Variants in SNX29 observed in about 807,000 individuals in gnomAD.
SNX29 encodes the protein sorting nexin 29, also known as sorting nexin-29.
In SNX29, 78 loss-of-function variants were observed where a neutral mutation model predicts 102.1. The observed-to-expected ratio is 0.76, with a 90% CI of 0.64 to 0.92. The LOEUF (loss-of-function observed/expected upper bound fraction) is 0.92. Ranked by LOEUF, SNX29 falls within the 40% of genes least tolerant of loss-of-function variation. SNX29 has a pLI of 0.00. For synonymous variants in SNX29, 580 were observed against 414.5 expected (o/e 1.40, Z -4.85); for missense variants, 1,280 against 1,061.7 (o/e 1.21, Z -2.86).
intron 14 of SNX29, among the ~76,000 whole-genome samples, chr16:12,268,399 A>G (rs905343714): frequency 2.6e-4 from 40 of 152,306 alleles, no homozygotes; most frequent in African/African-American, 9.6e-4. Flanking sequence ...GTAGAGCCAG[A>G]CTTTGACTCC....
intron 14 of SNX29, among the ~76,000 whole-genome samples, chr16:12,218,562 C>T (rs762840992): frequency 6.6e-6 from 1 of 152,174 alleles, no homozygotes; most frequent in Admixed American, 6.5e-5. Flanking sequence ...CCATCTGGCC[C>T]GCTGAAGAAA....
At chr16:12,227,831 T>C (rs1179752617) in intron 14 of SNX29, among the ~76,000 whole-genome samples, 2 of 130,938 alleles carry the variant, frequency 1.5e-5, no homozygotes, top group Non-Finnish European at 3.1e-5. Flanking sequence ...ACCCAGGTGG[T>C]GGAGGTTGCA....
intron 14 of SNX29, among the ~76,000 whole-genome samples, chr16:12,228,343 G>A (rs925510118): frequency 6.6e-6 from 1 of 152,144 alleles, no homozygotes; most frequent in Non-Finnish European, 1.5e-5. Context: ...CTTCCAGCAC[G>A]TTCTCAGCAC....
intron 5 of SNX29, 44 bp from the exon 6 acceptor site, chr16:12,046,340 G>T: frequency 2.5e-6 from 4 of 1,601,474 alleles, no homozygotes; most frequent in South Asian, 2.2e-5. Flanking sequence ...TGGACACAGA[G>T]AACCACTGCT....
At chr16:12,296,496 G>A (rs767420996) in intron 15 of SNX29, among the ~76,000 whole-genome samples, 3 of 152,194 alleles carry the variant, frequency 2.0e-5, no homozygotes, top group Admixed American at 6.5e-5. Flanking sequence ...TATATAAAGG[G>A]ATCAATAGTA....
intron 13 of SNX29, among the ~76,000 whole-genome samples, chr16:12,196,336 G>GT (rs2076772566): frequency 6.6e-6 from 1 of 152,182 alleles, no homozygotes; most frequent in Non-Finnish European, 1.5e-5. Context: ...TAGGGTTACT[G>GT]TGTAGATAAA....
chr16:12,385,851 A>G (rs894658295), intron 16 of SNX29, among the ~76,000 whole-genome samples: 20 of 152,214 alleles, frequency 1.3e-4, no homozygotes, highest in South Asian at 4.1e-4. Context: ...GGGCGGCAAG[A>G]TGGACAACAT....
chr16:12,565,734 A>AC (rs943736598), intron 20 of SNX29, among the ~76,000 whole-genome samples: 12 of 151,558 alleles, frequency 7.9e-5, no homozygotes, highest in East Asian at 7.8e-4. Flanking sequence ...CTACAAGTCC[A>AC]CCCCCTCCCC....
chr16:12,372,553 G>T (rs190736870), intron 16 of SNX29: 1 of 152,312 alleles, frequency 6.6e-6, no homozygotes, highest in African/African-American at 2.4e-5. Flanking sequence ...GGTTCATGAG[G>T]GGGTGGTAGA....
At chr16:12,483,269 A>G (rs2088056380) in intron 19 of SNX29, among the ~76,000 whole-genome samples, 2 of 151,188 alleles carry the variant, frequency 1.3e-5, no homozygotes, top group Admixed American at 1.3e-4. Context: ...TTGGCCTCCC[A>G]AAGTGGTGAG....
At chr16:12,067,869 T>G (rs1174373386) in intron 9 of SNX29, among the ~76,000 whole-genome samples, 2 of 152,206 alleles carry the variant, frequency 1.3e-5, no homozygotes, top group African/African-American at 4.8e-5. Context: ...CTTATGGATT[T>G]GCATGTTTTC....
chr16:12,556,863 T>G (rs1399744095), intron 20 of SNX29, among the ~76,000 whole-genome samples: 1 of 152,092 alleles, frequency 6.6e-6, no homozygotes, highest in Non-Finnish European at 1.5e-5. Flanking sequence ...ATTGAATTTT[T>G]TTTTTTTGAG....
chr16:12,548,786 C>G (rs565564032), intron 20 of SNX29, among the ~76,000 whole-genome samples: 2 of 152,340 alleles, frequency 1.3e-5, no homozygotes, highest in East Asian at 1.9e-4. Flanking sequence ...CACCACAGTG[C>G]TGGGTCATAG....
At chr16:12,367,838 G>A (rs1246136935) in intron 16 of SNX29, among the ~76,000 whole-genome samples, 1 of 152,194 alleles carries the variant, frequency 6.6e-6, no homozygotes, top group African/African-American at 2.4e-5. Context: ...ATTTTTAAAA[G>A]TGCCATTTAA....
chr16:12,494,468 G>A (rs1346420130), intron 19 of SNX29, among the ~76,000 whole-genome samples: 2 of 152,174 alleles, frequency 1.3e-5, no homozygotes, highest in Admixed American at 6.5e-5. Context: ...ATGAAGGAAC[G>A]TTGGGCCGCA....
At chr16:12,300,685 G>C (rs2080140634) in intron 15 of SNX29, among the ~76,000 whole-genome samples, 1 of 152,190 alleles carries the variant, frequency 6.6e-6, no homozygotes, top group African/African-American at 2.4e-5. Flanking sequence ...TTGAGTTCCA[G>C]GCACACGTTG....
At chr16:12,256,913 A>T (rs1405405595) in intron 14 of SNX29, among the ~76,000 whole-genome samples, 2 of 152,126 alleles carry the variant, frequency 1.3e-5, no homozygotes, top group Middle Eastern at 3.2e-3. Context: ...CCAAAACTTC[A>T]ATTTCTCCAC....
chr16:12,500,221 C>T (rs1378803405), intron 19 of SNX29, among the ~76,000 whole-genome samples: 3 of 152,270 alleles, frequency 2.0e-5, no homozygotes, highest in Middle Eastern at 6.8e-3. Flanking sequence ...TGGTCTTGAA[C>T]TTCTGGACTC....
chr16:12,356,155 T>C lies in SNX29; in HGVS notation c.1783-8T>C, dbSNP rs778745526. 6.2e-7 allele frequency: 1 copy of C among 1,610,788 alleles called. No individual in the cohort carries two copies. Among genetic ancestry groups the C allele is most frequent in the Non-Finnish European group, 8.5e-7 (1 of 1,178,774 alleles). ...TCTAAGCCTCACCTTTCCGTGCTTG[T>C]GTTCCAGGTGGCAGAGATGCATGGC... On this transcript the variant is annotated splice_region_variant and splice_polypyrimidine_tract_variant and intron_variant, in intron 15 of 20. Transcript: ENST00000566228.
Sources: allele counts gnomAD v4.1 joint callset (sites outside exome capture counted in the v4.1 genomes callset), GRCh38; gene constraint gnomAD v4.1.1; transcripts MANE v1.5; gene names NCBI Gene and HGNC (gene_info 2026-07-23, HGNC 2026-07-21).